Variants in EPHB1 observed in about 807,000 individuals in gnomAD.
EPHB1 encodes the protein EPH receptor B1.
In EPHB1, 30 loss-of-function variants were observed where a neutral mutation model predicts 94.4. The observed-to-expected ratio is 0.32, with a 90% CI of 0.24 to 0.43. The LOEUF (loss-of-function observed/expected upper bound fraction) is 0.43, where lower values mean the gene tolerates loss of function less well. EPHB1 is among the 20% of genes least tolerant of loss of function. EPHB1 has a pLI of 1.00. For synonymous variants in EPHB1, 522 were observed against 489.1 expected (o/e 1.07, Z -0.89); for missense variants, 1,055 against 1,308.3 (o/e 0.81, Z 2.99).
intron 3 of EPHB1, among the ~76,000 whole-genome samples, chr3:135,046,014 T>G (rs1402980393): frequency 6.6e-6 from 1 of 152,198 alleles, no homozygotes; most frequent in African/African-American, 2.4e-5. Flanking sequence ...TTAACGAAAA[T>G]AACATATTAC....
chr3:135,201,966 G>T (rs1418855225), intron 12 of EPHB1, among the ~76,000 whole-genome samples: 1 of 152,214 alleles, frequency 6.6e-6, no homozygotes, highest in Non-Finnish European at 1.5e-5. Flanking sequence ...TTTTGGAACA[G>T]ATGATTTGAG....
intron 15 of EPHB1, among the ~76,000 whole-genome samples, chr3:135,255,369 C>A (rs1321414168): frequency 1.3e-5 from 2 of 148,310 alleles, no homozygotes; most frequent in East Asian, 4.0e-4. Context: ...TATAAATTTC[C>A]CTCTACACAC....
At chr3:134,863,609 G>T (rs116577139) in intron 1 of EPHB1, among the ~76,000 whole-genome samples, 1 of 152,342 alleles carries the variant, frequency 6.6e-6, no homozygotes, top group African/African-American at 2.4e-5. Context: ...TGGTTTGAGG[G>T]AATGGTAGCT....
At chr3:135,094,012 T>C (rs1417693018) in intron 3 of EPHB1, among the ~76,000 whole-genome samples, 2 of 152,242 alleles carry the variant, frequency 1.3e-5, no homozygotes, top group East Asian at 3.9e-4. Flanking sequence ...AATTAATTTT[T>C]TCTTGCTATA....
intron 3 of EPHB1, among the ~76,000 whole-genome samples, chr3:135,027,325 C>T (rs1373210556): frequency 3.4e-5 from 5 of 148,570 alleles, no homozygotes; most frequent in Non-Finnish European, 7.5e-5. Flanking sequence ...AGTTTTTGCC[C>T]ATTCAGTATG....
chr3:134,925,741 A>T, intron 1 of EPHB1, 75 bp from the exon 2 acceptor site: 1 of 1,265,710 alleles, frequency 7.9e-7, no homozygotes. Context: ...CAACTTCGTG[A>T]CCTTGAGGGC....
In EPHB1 at chr3:135,208,292, TGTG is replaced by T. The variant is rs1942952543; in HGVS notation, c.2346+6604_2346+6606del. Among the ~76,000 whole-genome samples, 981 of 109,104 alleles carry T rather than the reference TGTG, an allele frequency of 9.0e-3. 12 individuals carry two copies. The highest frequency in any genetic ancestry group is 0.024 in the African/African-American group (663 of 27,906). 71.6% of individuals were successfully genotyped at this position (109,104 alleles called of 152,430 possible). ...GAGCAATGGGAAACCTTTCATGACG[TGTG>T]TGTGTGTGTGTGTGTGTGTGTGTGT... On this transcript the variant is annotated intron_variant, in intron 12 of 15. Transcript: ENST00000398015.
At chr3:135,032,802 T>TCCCAGAA (rs1316712177) in intron 3 of EPHB1, among the ~76,000 whole-genome samples, 1 of 152,170 alleles carries the variant, frequency 6.6e-6, no homozygotes, top group Non-Finnish European at 1.5e-5. Flanking sequence ...ATCCCCTACT[T>TCCCAGAA]CCCAGAACTG....
chr3:134,823,038 A>G (rs1034987197), intron 1 of EPHB1, among the ~76,000 whole-genome samples: 80 of 152,226 alleles, frequency 5.3e-4, no homozygotes, highest in African/African-American at 1.8e-3. Context: ...CCTCAGGACC[A>G]CAGGACTACA....
chr3:135,087,687 ATTGCAATTAG>A (rs919217528), intron 3 of EPHB1, among the ~76,000 whole-genome samples: 214 of 152,250 alleles, frequency 1.4e-3, no homozygotes, highest in Middle Eastern at 3.4e-3. Flanking sequence ...AGTAATTGTT[ATTGCAATTAG>A]TTGCCCATAT....
intron 2 of EPHB1, among the ~76,000 whole-genome samples, chr3:134,927,267 A>G (rs1303502059): frequency 1.3e-5 from 2 of 152,224 alleles, no homozygotes; most frequent in Non-Finnish European, 1.5e-5. Context: ...TCACCTGTGC[A>G]TTCTCCACTG....
At chr3:135,099,713 C>A (rs896615196) in intron 3 of EPHB1, among the ~76,000 whole-genome samples, 1 of 152,214 alleles carries the variant, frequency 6.6e-6, no homozygotes, top group Admixed American at 6.5e-5. Flanking sequence ...GCCACAGGAC[C>A]TATGGAAGGA....
chr3:135,177,429 C>T (rs1339586543), intron 9 of EPHB1, among the ~76,000 whole-genome samples: 1 of 152,176 alleles, frequency 6.6e-6, no homozygotes, highest in Non-Finnish European at 1.5e-5. Context: ...TTCCCTGGCC[C>T]TGGAGCCTCC....
intron 1 of EPHB1, among the ~76,000 whole-genome samples, chr3:134,899,784 C>T (rs1404191930): frequency 1.3e-5 from 2 of 152,178 alleles, no homozygotes; most frequent in African/African-American, 2.4e-5. Context: ...AAGCCATCCT[C>T]CTGCTTCAGC....
chr3:134,947,392 T>A (rs958017768), intron 2 of EPHB1, among the ~76,000 whole-genome samples: 1 of 152,240 alleles, frequency 6.6e-6, no homozygotes, highest in African/African-American at 2.4e-5. Flanking sequence ...GATCACTTAT[T>A]TCTTCAACCC....
At chr3:135,104,029 T>C (rs1403621129) in intron 3 of EPHB1, among the ~76,000 whole-genome samples, 1 of 152,208 alleles carries the variant, frequency 6.6e-6, no homozygotes, top group Non-Finnish European at 1.5e-5. Context: ...AAACACCTTG[T>C]TCTTGTTGGA....
At chr3:134,900,265 C>T (rs2038174455) in intron 1 of EPHB1, among the ~76,000 whole-genome samples, 1 of 152,168 alleles carries the variant, frequency 6.6e-6, no homozygotes, top group Non-Finnish European at 1.5e-5. Flanking sequence ...GGAATCTTAC[C>T]TTTTACATCT....
chr3:134,861,297 G>A (rs1201723399), intron 1 of EPHB1, among the ~76,000 whole-genome samples: 4 of 152,210 alleles, frequency 2.6e-5, no homozygotes, highest in African/African-American at 9.7e-5. Context: ...AAGCAGCTGA[G>A]TACATTACAT....
chr3:135,104,785 G>A (rs1004741425), intron 3 of EPHB1, among the ~76,000 whole-genome samples: 19 of 152,196 alleles, frequency 1.2e-4, no homozygotes, highest in African/African-American at 4.3e-4. Flanking sequence ...TTGTGTTTTG[G>A]AGATTCCTTC....
Sources: gnomAD v4.1 joint callset for allele counts (sites outside exome capture counted in the v4.1 genomes callset) on GRCh38, gnomAD v4.1.1 for gene constraint, MANE v1.5 for transcripts, NCBI Gene and HGNC (gene_info 2026-07-23, HGNC 2026-07-21) for gene names.